SLC39A4: variants seen among roughly 807,000 people sequenced by gnomAD.
The protein encoded by SLC39A4 is zinc transporter ZIP4.
A neutral mutation model predicts 56.6 loss-of-function variants in SLC39A4; 49 were observed. That is an observed-to-expected ratio of 0.87 (90% confidence interval 0.69 to 1.10). The LOEUF is 1.10. Ranked by LOEUF, SLC39A4 falls within the 50% of genes least tolerant of loss-of-function variation. SLC39A4 has a pLI of 0.00. For synonymous variants in SLC39A4, 540 were observed against 420.4 expected, an observed-to-expected ratio of 1.28 and a Z score of -3.48; for missense variants, 993 against 864.2, an observed-to-expected ratio of 1.15 and a Z score of -1.87.
In SLC39A4 at chr8:144,414,798, G is replaced by T; in HGVS notation, c.903C>A (p.Leu301=). The change falls in exon 5 of 12, where the codon CTC becomes CTA. Residue 301 remains leucine (L), a synonymous_variant. Coordinates refer to ENST00000301305, the MANE Select transcript of SLC39A4 (RefSeq NM_130849.4). The part of the protein sequence containing the change: ...EAWAQLSPAL[L]QQQLSGACTS... ...TGCAGGCTCCACTCAGCTGCTGTTG[G>T]AGCAGGGCAGGGCTCAGTTGGGCCC... 3 of 1,613,206 alleles carry T rather than the reference G, an allele frequency of 1.9e-6. No homozygotes were observed. The South Asian group carries it at 3.3e-5, about 18-fold the overall frequency.
chr8:144,414,109 G>A lies in SLC39A4; in HGVS notation c.1150-14C>T. Reference sequence around the variant, plus strand: ...CAGCCCCAGCACCTGGGGAGTAGGGGCGCTGGGCTGGGGGGGAGGTCCCAG... The same window carrying A: ...CAGCCCCAGCACCTGGGGAGTAGGGACGCTGGGCTGGGGGGGAGGTCCCAG... On this transcript the variant is annotated splice_polypyrimidine_tract_variant and intron_variant, in intron 6 of 11. Transcript: ENST00000301305. 3 of 1,554,828 alleles carry A rather than the reference G, an allele frequency of 1.9e-6. No homozygotes were observed. The highest frequency in any genetic ancestry group is 2.4e-5 in the East Asian group (1 of 41,604).
rs1362226372 is a variant in SLC39A4, at chr8:144,412,480, G to A, written c.*58C>T. 9.3e-6 allele frequency: 15 copies of A among 1,613,470 alleles called. No homozygotes were observed. Among genetic ancestry groups the A allele is most frequent in the Admixed American group, 1.7e-5 (1 of 60,006 alleles). ...CTCTATAGGGGCTTCTGGTTTCTGG[G>A]CTGTAGGTTTGTGAGGTGTGGGATC... On this transcript the variant is annotated 3_prime_UTR_variant, in exon 12 of 12. Transcript: ENST00000301305.
intron 6 of SLC39A4, 30 bp from the exon 7 acceptor site, chr8:144,414,125 G>A: frequency 3.9e-6 from 6 of 1,554,748 alleles, no homozygotes; most frequent in Non-Finnish European, 5.2e-6. Flanking sequence ...GGCTGGGGGG[G>A]AGGTCCCAGG....
In SLC39A4 at chr8:144,412,814, G is replaced by GCCTCGCTCT; in HGVS notation, c.1751_1759dup (p.Glu584_Glu586dup). On this transcript the variant is annotated inframe_insertion, in exon 11 of 12. Transcript: ENST00000301305. ...GCCGGTGGCCACTGCCAGGATCCAG[G>GCCTCGCTCT]CCTCGCTCTCCTCGCTGACTCCAAC... 1 of 1,613,092 alleles carries GCCTCGCTCT rather than the reference G, an allele frequency of 6.2e-7. No individual in the cohort carries two copies. The highest frequency in any genetic ancestry group is 8.5e-7 in the Non-Finnish European group (1 of 1,179,926).
chr8:144,415,049 A>G lies in SLC39A4; in HGVS notation c.729T>C (p.His243=). ...VGREAHSDHS[H]RHRGASSRDP... ...CCCGGCTGCTGGCTCCCCTGTGCCG[A>G]TGACTGTGGTCACTGTGGGCCTCCC... is the stretch of plus-strand genomic sequence containing the variant. Residue 243 remains histidine (H), a synonymous_variant, in exon 4 of 12, where the codon CAT becomes CAC. Transcript: ENST00000301305. 3.1e-6 allele frequency: 5 copies of G among 1,611,546 alleles called. No individual in the cohort carries two copies. Among genetic ancestry groups the G allele is most frequent in the Non-Finnish European group, 4.2e-6 (5 of 1,179,914 alleles).
Position 144,413,975 on chromosome 8 carries a change from G to T in SLC39A4, c.1270C>A (p.Leu424Met). 6.2e-7 allele frequency: 1 copy of T among 1,609,982 alleles called. No individual in the cohort carries two copies. The highest frequency in any genetic ancestry group is 8.5e-7 in the Non-Finnish European group (1 of 1,178,400). Residue 424 changes from leucine (L) to methionine (M), a missense_variant, in exon 7 of 12, where the codon CTG becomes ATG. Leu to Met is a conservative substitution (Grantham distance 15). Transcript: ENST00000301305. The part of the protein sequence containing the change: ...FLFENLFNLL[L>M]PRDPEDLEDG... ...AGCCTGACCTCCGGGTCCCTGGGCA[G>T]CAGGAGATTGAAGAGGTTCTCAAAC...
rs547904125 is a variant in SLC39A4, at chr8:144,412,843, G to A, written c.1731C>T (p.Leu577=). Residue 577 remains leucine, a synonymous_variant, in exon 11 of 12, where the codon CTC becomes CTT. Transcript: ENST00000301305. ...CGCTCTCCTCGCTGACTCCAACCGC[G>A]AGTGCCACGTAGAGACCAGCGAAGG... ...LTAFAGLYVA[L]AVGVSEESEA... 1.3e-5 allele frequency: 21 copies of A among 1,612,766 alleles called. 1 individual carries two copies. The African/African-American group carries it at 2.1e-4, about 16-fold the overall frequency.
intron 1 of SLC39A4, 170 bp downstream of exon 1, chr8:144,416,428 C>T (rs1822201503): frequency 6.9e-7 from 1 of 1,448,690 alleles, no homozygotes; most frequent in Non-Finnish European, 9.0e-7. Context: ...TGTCTGCCCT[C>T]ATGAGCAGGA....
chr8:144,416,718 CG>C lies in SLC39A4; in HGVS notation c.71del (p.Pro24ArgfsTer6), dbSNP rs1564711798. On this transcript the variant is annotated frameshift_variant, in exon 1 of 12. Transcript: ENST00000301305. LOFTEE classifies it high-confidence loss of function. The part of the protein sequence containing the change: ...AVLVVTATAS[P>X]PAGLLSLLTS... Reference sequence around the variant, plus strand: ...TGAGCAGGCTCAGCAGACCAGCAGGCGGGGACGCCGTCGCCGTCACCACCAG... The same window carrying C: ...TGAGCAGGCTCAGCAGACCAGCAGGCGGGACGCCGTCGCCGTCACCACCAG... 6.2e-7 allele frequency: 1 copy of C among 1,612,530 alleles called. No individual in the cohort carries two copies. The highest frequency in any genetic ancestry group is 1.1e-5 in the South Asian group (1 of 91,042).
chr8:144,416,715 A>G lies in SLC39A4; in HGVS notation c.75T>C (p.Pro25=). The change falls in exon 1 of 12, where the codon CCT becomes CCC. Residue 25 remains proline, a synonymous_variant. Transcript: ENST00000301305. ...VLVVTATASP[P]AGLLSLLTSG... The stretch of plus-strand genomic sequence containing the variant: ...AGGTGAGCAGGCTCAGCAGACCAGC[A>G]GGCGGGGACGCCGTCGCCGTCACCA... 1 of 1,612,684 alleles carries G rather than the reference A, an allele frequency of 6.2e-7. No homozygotes were observed. Among genetic ancestry groups the G allele is most frequent in the Non-Finnish European group, 8.5e-7 (1 of 1,179,822 alleles).
intron 10 of SLC39A4, 75 bp downstream of exon 10, chr8:144,413,161 GC>G: frequency 1.0e-6 from 1 of 982,602 alleles, no homozygotes; most frequent in Non-Finnish European, 1.4e-6. Context: ...TCCAGGCCCC[GC>G]CCACCTGTTC....
In SLC39A4 at chr8:144,414,111, G is replaced by A. The variant is rs782182243; in HGVS notation, c.1150-16C>T. On this transcript the variant is annotated splice_polypyrimidine_tract_variant and intron_variant, in intron 6 of 11. Coordinates refer to ENST00000301305, the MANE Select transcript of SLC39A4 (RefSeq NM_130849.4). ...GCCCCAGCACCTGGGGAGTAGGGGC[G>A]CTGGGCTGGGGGGGAGGTCCCAGGG... is the stretch of plus-strand genomic sequence containing the variant. 3.3e-5 allele frequency: 51 copies of A among 1,554,636 alleles called. No individual in the cohort carries two copies. Among genetic ancestry groups the A allele is most frequent in the Non-Finnish European group, 4.3e-5 (49 of 1,149,716 alleles).
chr8:144,414,508 G>A, intron 5 of SLC39A4, 74 bp from the exon 6 acceptor site: 1 of 1,544,900 alleles, frequency 6.5e-7, no homozygotes, highest in Non-Finnish European at 8.7e-7. Flanking sequence ...CTGCTCACCA[G>A]AGCTGCAGGC....
chr8:144,416,534 G>T lies in SLC39A4; in HGVS notation c.192+64C>A, dbSNP rs888459713. 5 of 1,530,812 alleles carry T rather than the reference G, an allele frequency of 3.3e-6. No individual in the cohort carries two copies. In the African/African-American group the frequency reaches 6.9e-5, roughly 21 times the overall value. 94.8% of individuals were successfully genotyped at this position (1,530,812 alleles called of 1,614,324 possible). ...GTTTGCCCAGGGCCCTTTGCTGCCG[G>T]CTGGCAGGGCGGAGCTGGCGGGAAG... On this transcript the variant is annotated intron_variant, in intron 1 of 11. Transcript: ENST00000301305.
Position 144,412,505 on chromosome 8 carries a change from C to T in SLC39A4, c.*33G>A. On this transcript the variant is annotated 3_prime_UTR_variant, in exon 12 of 12. Coordinates refer to ENST00000301305, the MANE Select transcript of SLC39A4 (RefSeq NM_130849.4). ...GCTGTAGGTTTGTGAGGTGTGGGAT[C>T]TTAAGTCAAAGGTGGGGGACTAGGG... The T allele has an allele frequency of 6.2e-7, 1 of 1,614,026 alleles. No individual in the cohort carries two copies. The highest frequency in any genetic ancestry group is 8.5e-7 in the Non-Finnish European group (1 of 1,179,986).
rs1554872337 is a variant in SLC39A4 at position 144,413,410 on chromosome 8, G to A, written c.1475-21C>T. On this transcript the variant is annotated intron_variant, in intron 9 of 11. Coordinates refer to ENST00000301305, the MANE Select transcript of SLC39A4 (RefSeq NM_130849.4). ...CAACTCTGCGGGCGCAGAGGCCCGT[G>A]GGTTCGCGTGGCCTGTCGCCTACCG... The A allele has an allele frequency of 2.5e-6, 4 of 1,606,062 alleles. No homozygotes were observed. In the Admixed American group the frequency reaches 5.1e-5, roughly 20 times the overall value.
At position 144,416,823 on chromosome 8, in the gene SLC39A4, G is replaced by A. The variant is rs782202861; in HGVS notation, c.-34C>T. 1.2e-5 allele frequency: 19 copies of A among 1,594,468 alleles called. No homozygotes were observed. The highest frequency in any genetic ancestry group is 1.6e-5 in the Non-Finnish European group (19 of 1,171,666). On this transcript the variant is annotated 5_prime_UTR_variant, in exon 1 of 12. Coordinates refer to ENST00000301305, the MANE Select transcript of SLC39A4 (RefSeq NM_130849.4). Reference sequence around the variant, plus strand: ...CCCAGCGTGCTCAGTGGGTGTTGCTGTGGCCAAGGCCCAGTGCTTCTGGGC... The same window carrying A: ...CCCAGCGTGCTCAGTGGGTGTTGCTATGGCCAAGGCCCAGTGCTTCTGGGC...
rs1554871784 is a variant in SLC39A4 at position 144,412,559 on chromosome 8, G to A, written c.1923C>T (p.Tyr641=). Residue 641 remains tyrosine, a synonymous_variant, in exon 12 of 12, where the codon TAC becomes TAT. Coordinates refer to ENST00000301305, the MANE Select transcript of SLC39A4 (RefSeq NM_130849.4). ...GGTATCAGAAGGTGATGTCATCCTC[G>A]TACAGGGACAGCAGCAGCAGGACGG... The part of the protein sequence containing the change: ...GWTVLLLLSL[Y]EDDITF The A allele has an allele frequency of 6.2e-7, 1 of 1,614,184 alleles. No homozygotes were observed. The highest frequency in any genetic ancestry group is 1.1e-5 in the South Asian group (1 of 91,090).
chr8:144,413,454 C>T (rs961820912), intron 9 of SLC39A4, 59 bp downstream of exon 9: 2 of 1,575,596 alleles, frequency 1.3e-6, no homozygotes, highest in East Asian at 2.3e-5. Flanking sequence ...TGGGCCCCAC[C>T]CGCGCTCCAC....
Sources: gnomAD v4.1 joint callset for allele counts on GRCh38, gnomAD v4.1.1 for gene constraint, MANE v1.5 for transcripts, NCBI Gene and HGNC (gene_info 2026-07-23, HGNC 2026-07-21) for gene names.